Variants in CFAP95 observed in about 807,000 individuals in gnomAD.
The protein encoded by CFAP95 is cilia- and flagella-associated protein 95.
chr9:69,887,409 T>C, the CFAP95 span, among the ~76,000 whole-genome samples: 2 of 152,210 alleles, frequency 1.3e-5, no homozygotes, highest in African/African-American at 4.8e-5. Flanking sequence ...AATAAGATAT[T>C]TAACTATTGG....
chr9:69,863,722 A>G, the CFAP95 span, among the ~76,000 whole-genome samples: 1 of 152,088 alleles, frequency 6.6e-6, no homozygotes, highest in African/African-American at 2.4e-5. Context: ...ATAAACAACA[A>G]CCAGAACTGT....
At chr9:69,857,710 T>G in the CFAP95 span, among the ~76,000 whole-genome samples, 6 of 152,230 alleles carry the variant, frequency 3.9e-5, no homozygotes, top group South Asian at 4.2e-4. Context: ...GTATTTTTAG[T>G]AGAGACTGGG....
the CFAP95 span, among the ~76,000 whole-genome samples, chr9:69,903,418 A>G: frequency 6.6e-6 from 1 of 152,084 alleles, no homozygotes; most frequent in East Asian, 1.9e-4. Context: ...GTCCTACCCA[A>G]ACCACATCCC....
chr9:69,873,810 A>T, the CFAP95 span, among the ~76,000 whole-genome samples: 1 of 152,168 alleles, frequency 6.6e-6, no homozygotes, highest in Non-Finnish European at 1.5e-5. Context: ...GGTTTCTTTG[A>T]GCCTAAGAAG....
the CFAP95 span, among the ~76,000 whole-genome samples, chr9:69,892,066 T>G: frequency 6.6e-6 from 1 of 152,194 alleles, no homozygotes; most frequent in Non-Finnish European, 1.5e-5. Flanking sequence ...GACATCCGCA[T>G]TTTTTTATTG....
At chr9:69,841,167 TA>T in the CFAP95 span, among the ~76,000 whole-genome samples, 938 of 92,450 alleles carry the variant, frequency 0.01, 48 homozygotes, top group African/African-American at 0.037. Context: ...AGCTGGATTA[TA>T]TATATATATA....
the CFAP95 span, among the ~76,000 whole-genome samples, chr9:69,904,826 A>G: frequency 2.3e-3 from 348 of 152,360 alleles, 1 homozygote; most frequent in African/African-American, 7.7e-3. Context: ...CAGAACAGTG[A>G]CACAGATATT....
chr9:69,865,780 C>A, the CFAP95 span, among the ~76,000 whole-genome samples: 2 of 152,118 alleles, frequency 1.3e-5, no homozygotes, highest in Non-Finnish European at 2.9e-5. Context: ...TAAATTTTAT[C>A]TATTAAGTTT....
chr9:69,854,746 G>T, the CFAP95 span, among the ~76,000 whole-genome samples: 1 of 152,224 alleles, frequency 6.6e-6, no homozygotes, highest in East Asian at 1.9e-4. Context: ...AGAGGTGGGA[G>T]GAGAGGGAGC....
At chr9:69,880,354 A>G in the CFAP95 span, among the ~76,000 whole-genome samples, 12 of 152,180 alleles carry the variant, frequency 7.9e-5, no homozygotes, top group South Asian at 1.0e-3. Flanking sequence ...CCCTATGTCC[A>G]TGAGTTCAGT....
chr9:69,900,582 G>A, the CFAP95 span, among the ~76,000 whole-genome samples: 105 of 152,298 alleles, frequency 6.9e-4, no homozygotes, highest in Middle Eastern at 3.4e-3. Flanking sequence ...GGATGACTCA[G>A]CCTCATTTCC....
chr9:69,839,869 A>G, the CFAP95 span, among the ~76,000 whole-genome samples: 1 of 151,142 alleles, frequency 6.6e-6, no homozygotes, highest in Non-Finnish European at 1.5e-5. Context: ...GAAGGTCAGG[A>G]GTTCGAGACC....
the CFAP95 span, among the ~76,000 whole-genome samples, chr9:69,823,261 G>A: frequency 2.6e-5 from 4 of 151,312 alleles, no homozygotes; most frequent in African/African-American, 7.4e-5. Context: ...TATCATGATA[G>A]CATGGGGACA....
At chr9:69,867,477 C>T in the CFAP95 span, among the ~76,000 whole-genome samples, 3 of 152,242 alleles carry the variant, frequency 2.0e-5, no homozygotes, top group South Asian at 6.2e-4. Flanking sequence ...TGAAGATAGG[C>T]TTATATGGTT....
chr9:69,858,716 C>A, the CFAP95 span, among the ~76,000 whole-genome samples: 3 of 152,156 alleles, frequency 2.0e-5, no homozygotes, highest in Admixed American at 6.5e-5. Context: ...CCCTATATTT[C>A]CACTAAGATC....
the CFAP95 span, among the ~76,000 whole-genome samples, chr9:69,895,872 T>G: frequency 6.6e-6 from 1 of 152,052 alleles, no homozygotes; most frequent in Non-Finnish European, 1.5e-5. Context: ...CTCGGCTCAC[T>G]GCAATCTCTA....
chr9:69,843,583 TTCTTC>T, the CFAP95 span, among the ~76,000 whole-genome samples: 1 of 48,490 alleles, frequency 2.1e-5, no homozygotes, highest in Non-Finnish European at 3.6e-5. Flanking sequence ...CTTCTTCTTC[TTCTTC>T]TTCTTCTTCT....
chr9:69,901,342 T>C, the CFAP95 span, among the ~76,000 whole-genome samples: 1 of 152,138 alleles, frequency 6.6e-6, no homozygotes, highest in Non-Finnish European at 1.5e-5. Context: ...TTTCACCGTG[T>C]TAGCTAGGAT....
chr9:69,886,914 GTCT>G, the CFAP95 span: 3 of 1,593,450 alleles, frequency 1.9e-6, no homozygotes, highest in Non-Finnish European at 2.6e-6. Context: ...AAGAACCGTA[GTCT>G]TCTACCTATT....
Sources: gnomAD v4.1 joint callset for allele counts (sites outside exome capture counted in the v4.1 genomes callset) on GRCh38, gnomAD v4.1.1 for gene constraint, MANE v1.5 for transcripts, NCBI Gene and HGNC (gene_info 2026-07-23, HGNC 2026-07-21) for gene names.